Variants in GRM7 observed in about 807,000 individuals in gnomAD.
GRM7 encodes the protein metabotropic glutamate receptor 7.
GRM7 carries 35 observed loss-of-function variants against 84.5 expected under a neutral mutation model. That is an observed-to-expected ratio of 0.41 (90% CI 0.32 to 0.55). The LOEUF (loss-of-function observed/expected upper bound fraction) is 0.55. GRM7 is among the 20% of genes least tolerant of loss of function. The probability of loss-of-function intolerance (pLI) is 0.19; values close to 1 mark genes in which losing one functional copy is unlikely to be tolerated. For missense variants in GRM7, 1,003 were observed against 1,194.6 expected, an observed-to-expected ratio of 0.84 and a Z score of 2.36; for synonymous variants, 487 against 455.1, an observed-to-expected ratio of 1.07 and a Z score of -0.89.
At chr3:7,238,193 C>T (rs924352243) in intron 2 of GRM7, among the ~76,000 whole-genome samples, 4 of 152,166 alleles carry the variant, frequency 2.6e-5, no homozygotes, top group Admixed American at 6.5e-5. Context: ...CCAATCTCTT[C>T]GGTTGTCCTC....
chr3:7,196,681 T>A (rs1225825464), intron 2 of GRM7, among the ~76,000 whole-genome samples: 8 of 152,188 alleles, frequency 5.3e-5, no homozygotes. Flanking sequence ...CTTCCAGTCT[T>A]ATCAGGCCCC....
intron 8 of GRM7, among the ~76,000 whole-genome samples, chr3:7,659,491 C>G (rs988372576): frequency 6.6e-6 from 1 of 151,974 alleles, no homozygotes; most frequent in East Asian, 1.9e-4. Context: ...CAGCACCAAG[C>G]CTGACACATA....
intron 1 of GRM7, among the ~76,000 whole-genome samples, chr3:7,132,797 G>A (rs1693648073): frequency 6.6e-6 from 1 of 152,208 alleles, no homozygotes; most frequent in African/African-American, 2.4e-5. Flanking sequence ...GAATCATTAA[G>A]TGAAGATTTC....
chr3:7,326,769 G>A (rs2125060795), intron 4 of GRM7, among the ~76,000 whole-genome samples: 1 of 151,664 alleles, frequency 6.6e-6, no homozygotes, highest in Non-Finnish European at 1.5e-5. Flanking sequence ...GGGAGGTGGA[G>A]GTTGCAGTGA....
intron 1 of GRM7, among the ~76,000 whole-genome samples, chr3:6,925,481 C>T (rs574472553): frequency 1.3e-5 from 2 of 152,260 alleles, no homozygotes; most frequent in East Asian, 3.9e-4. Flanking sequence ...CAGCACCCTC[C>T]TCAGATGAGT....
chr3:6,956,826 A>C (rs1450874915), intron 1 of GRM7, among the ~76,000 whole-genome samples: 1 of 152,210 alleles, frequency 6.6e-6, no homozygotes, highest in Non-Finnish European at 1.5e-5. Flanking sequence ...GGGAGAGGCT[A>C]ATCTTTAAAG....
At chr3:7,408,607 T>C (rs1254137136) in intron 4 of GRM7, among the ~76,000 whole-genome samples, 5 of 152,100 alleles carry the variant, frequency 3.3e-5, no homozygotes, top group African/African-American at 1.2e-4. Flanking sequence ...GGAACTGGAA[T>C]GGGGAAGGAG....
intron 1 of GRM7, among the ~76,000 whole-genome samples, chr3:7,014,342 T>A (rs1303894839): frequency 6.6e-6 from 1 of 152,144 alleles, no homozygotes; most frequent in Non-Finnish European, 1.5e-5. Flanking sequence ...ATTTTATTTA[T>A]TTTTTAATAA....
intron 8 of GRM7, among the ~76,000 whole-genome samples, chr3:7,644,997 T>G (rs1157422927): frequency 1.3e-5 from 2 of 152,016 alleles, no homozygotes; most frequent in African/African-American, 4.8e-5. Context: ...AACATCTTTC[T>G]GCAGATGCCC....
At chr3:7,452,898 A>G in intron 6 of GRM7, 91 bp downstream of exon 6, 1 of 776,668 alleles carries the variant, frequency 1.3e-6, no homozygotes, top group South Asian at 1.8e-5. Flanking sequence ...TTACTTTAAA[A>G]TATGTGTCAA....
intron 2 of GRM7, among the ~76,000 whole-genome samples, chr3:7,215,413 C>A (rs1228200086): frequency 6.6e-6 from 1 of 151,858 alleles, no homozygotes; most frequent in African/African-American, 2.4e-5. Flanking sequence ...GCCTGTAATC[C>A]CAGCACTTTT....
chr3:7,102,504 C>A (rs1301362619), intron 1 of GRM7, among the ~76,000 whole-genome samples: 1 of 151,664 alleles, frequency 6.6e-6, no homozygotes, highest in Non-Finnish European at 1.5e-5. Context: ...GCCCTCATAC[C>A]TATGGTATGA....
chr3:7,330,497 T>C (rs1276108624), intron 4 of GRM7, among the ~76,000 whole-genome samples: 1 of 152,180 alleles, frequency 6.6e-6, no homozygotes, highest in Non-Finnish European at 1.5e-5. Flanking sequence ...TCTTGAATTG[T>C]AGATCCTGTA....
intron 1 of GRM7, among the ~76,000 whole-genome samples, chr3:7,070,778 T>TGGAA (rs1460670336): frequency 1.3e-5 from 2 of 151,860 alleles, no homozygotes; most frequent in Non-Finnish European, 2.9e-5. Flanking sequence ...GATTGAGGGG[T>TGGAA]GGAAGAACTG....
chr3:7,639,835 A>C (rs1300353557), intron 8 of GRM7, among the ~76,000 whole-genome samples: 3 of 152,174 alleles, frequency 2.0e-5, no homozygotes, highest in African/African-American at 7.2e-5. Flanking sequence ...CATCACTCAG[A>C]AAGTTTTTTA....
At chr3:7,289,973 G>A (rs191378504) in intron 2 of GRM7, among the ~76,000 whole-genome samples, 28 of 151,822 alleles carry the variant, frequency 1.8e-4, no homozygotes, top group East Asian at 1.7e-3. Flanking sequence ...AAACCTGCAC[G>A]TTGTGCACAT....
intron 6 of GRM7, among the ~76,000 whole-genome samples, chr3:7,459,291 G>T (rs1371676709): frequency 6.6e-6 from 1 of 152,284 alleles, no homozygotes; most frequent in African/African-American, 2.4e-5. Flanking sequence ...AATGTTTATA[G>T]TGATGGAGAA....
At chr3:7,340,489 A>G (rs1701597649) in intron 4 of GRM7, among the ~76,000 whole-genome samples, 1 of 152,066 alleles carries the variant, frequency 6.6e-6, no homozygotes, top group South Asian at 2.1e-4. Context: ...TATCATGAGA[A>G]CAGTATGGGA....
At chr3:7,597,805 G>C (rs1247898844) in intron 8 of GRM7, among the ~76,000 whole-genome samples, 1 of 152,184 alleles carries the variant, frequency 6.6e-6, no homozygotes, top group Non-Finnish European at 1.5e-5. Context: ...AGTGCTGGCA[G>C]ATACCAAGAA....
Sources: allele counts gnomAD v4.1 joint callset (sites outside exome capture counted in the v4.1 genomes callset), GRCh38; gene constraint gnomAD v4.1.1; transcripts MANE v1.5; gene names NCBI Gene and HGNC (gene_info 2026-07-23, HGNC 2026-07-21).